Variants in NAALADL2 observed in about 807,000 individuals in gnomAD.
The protein encoded by NAALADL2 is N-acetylated alpha-linked acidic dipeptidase like 2, also known as inactive N-acetylated-alpha-linked acidic dipeptidase-like protein 2.
A neutral mutation model predicts 87.2 loss-of-function variants in NAALADL2; 76 were observed. The ratio of observed to expected loss-of-function variants is 0.87; its 90% CI spans 0.72 to 1.05. The LOEUF (loss-of-function observed/expected upper bound fraction) is 1.05. Ranked by LOEUF, NAALADL2 falls within the 50% of genes least tolerant of loss-of-function variation. NAALADL2 has a pLI of 0.00. For missense variants in NAALADL2, 1,089 were observed against 945.8 expected, an observed-to-expected ratio of 1.15 and a Z score of -1.99; for synonymous variants, 354 against 331.0, an observed-to-expected ratio of 1.07 and a Z score of -0.75.
intron 11 of NAALADL2, among the ~76,000 whole-genome samples, chr3:175,643,263 C>T (rs1729537680): frequency 6.6e-6 from 1 of 151,982 alleles, no homozygotes; most frequent in Admixed American, 6.6e-5. Flanking sequence ...ATTTGTTTAC[C>T]TATTGTTCTA....
intron 13 of NAALADL2, among the ~76,000 whole-genome samples, chr3:175,760,588 G>A (rs562168170): frequency 6.6e-6 from 1 of 152,300 alleles, no homozygotes; most frequent in Admixed American, 6.5e-5. Context: ...ATCCAGCAGT[G>A]TGAAATTTGA....
intron 2 of NAALADL2, among the ~76,000 whole-genome samples, chr3:174,599,575 C>T (rs1179769158): frequency 1.3e-5 from 2 of 152,088 alleles, no homozygotes; most frequent in African/African-American, 4.8e-5. Context: ...CCTTCAATGT[C>T]TTAAGCAAAG....
At chr3:175,151,562 G>A (rs1731542249) in intron 2 of NAALADL2, among the ~76,000 whole-genome samples, 1 of 152,050 alleles carries the variant, frequency 6.6e-6, no homozygotes, top group Admixed American at 6.6e-5. Flanking sequence ...TGTGAATGTA[G>A]GTCAGACTCT....
chr3:175,626,931 A>G (rs111436035), intron 10 of NAALADL2, among the ~76,000 whole-genome samples: 6 of 151,994 alleles, frequency 3.9e-5, no homozygotes, highest in African/African-American at 1.4e-4. Flanking sequence ...ACTTCAGACC[A>G]ATATAGTCAC....
rs115490774 is a variant in NAALADL2, at chr3:175,614,872, G to A, written c.1801-12419G>A. ...GACAAAGGCCTAAAAGATTTAATAA[G>A]TACTTCTTAGATATTAATTAATTCT... is the stretch of plus-strand genomic sequence containing the variant. On this transcript the variant is annotated intron_variant, in intron 10 of 13. Transcript: ENST00000454872. Among the ~76,000 whole-genome samples the A allele has an allele frequency of 7.5e-3, 1,136 of 152,166 alleles. 18 individuals are homozygous for A. The highest frequency in any genetic ancestry group is 0.026 in the African/African-American group (1,084 of 41,538).
intron 2 of NAALADL2, among the ~76,000 whole-genome samples, chr3:175,145,268 G>C (rs561758917): frequency 1.3e-5 from 2 of 151,994 alleles, no homozygotes; most frequent in African/African-American, 4.8e-5. Context: ...CCATTGGCTT[G>C]GTATCACTTC....
chr3:174,982,557 A>G (rs1449389167), intron 1 of NAALADL2, among the ~76,000 whole-genome samples: 2 of 152,224 alleles, frequency 1.3e-5, no homozygotes, highest in African/African-American at 2.4e-5. Flanking sequence ...TTTAACATTA[A>G]TATCTGTATC....
At chr3:174,993,915 T>C (rs9829263) in intron 1 of NAALADL2, among the ~76,000 whole-genome samples, 54,135 of 152,010 alleles carry the variant, frequency 0.36, 14,340 homozygotes, top group African/African-American at 0.74. Context: ...CCTTGGATCA[T>C]GTCAGTCTCT....
At chr3:175,080,165 C>A (rs1717506777) in intron 1 of NAALADL2, among the ~76,000 whole-genome samples, 1 of 152,088 alleles carries the variant, frequency 6.6e-6, no homozygotes, top group Non-Finnish European at 1.5e-5. Flanking sequence ...CGGGTTTTCA[C>A]CGTGTTAGCC....
In NAALADL2 at chr3:175,556,433, C is replaced by T. The variant is rs539217930; in HGVS notation, c.1654-19608C>T. On this transcript the variant is annotated intron_variant, in intron 9 of 13. Transcript: ENST00000454872. ...TGTAAGATTCTTTAGGTTGGAATCC[C>T]GTCTAAAGTGCAAAGCACTTAAAGA... 3.3e-5 allele frequency among the ~76,000 whole-genome samples: 5 copies of T among 151,992 alleles called. No individual in the cohort carries two copies. In the East Asian group the frequency reaches 9.7e-4, roughly 29 times the overall value.
chr3:175,304,690 C>A (rs193232658), intron 4 of NAALADL2, among the ~76,000 whole-genome samples: 2 of 152,154 alleles, frequency 1.3e-5, no homozygotes, highest in Admixed American at 6.5e-5. Flanking sequence ...GGGACATGGT[C>A]AAACTACTCT....
chr3:175,520,667 G>A (rs1732527005), intron 9 of NAALADL2, among the ~76,000 whole-genome samples: 1 of 152,194 alleles, frequency 6.6e-6, no homozygotes, highest in Admixed American at 6.5e-5. Context: ...ATCTGAAATT[G>A]CAGGATGTGA....
intron 1 of NAALADL2, among the ~76,000 whole-genome samples, chr3:175,066,291 G>A (rs1018648747): frequency 6.6e-6 from 1 of 152,096 alleles, no homozygotes; most frequent in African/African-American, 2.4e-5. Flanking sequence ...CTTCTCTGAG[G>A]AGCCTTTCCT....
At chr3:175,517,032 A>C (rs890594135) in intron 9 of NAALADL2, among the ~76,000 whole-genome samples, 2 of 152,184 alleles carry the variant, frequency 1.3e-5, no homozygotes, top group African/African-American at 4.8e-5. Flanking sequence ...CTCTTCTTTC[A>C]GTACAATAAA....
chr3:174,985,188 A>C (rs1295374885), intron 1 of NAALADL2, among the ~76,000 whole-genome samples: 2 of 152,208 alleles, frequency 1.3e-5, no homozygotes, highest in African/African-American at 4.8e-5. Context: ...AAAATGCTAA[A>C]TAATATTATG....
chr3:174,917,977 T>C (rs1346023547), intron 1 of NAALADL2, among the ~76,000 whole-genome samples: 1 of 152,152 alleles, frequency 6.6e-6, no homozygotes, highest in South Asian at 2.1e-4. Context: ...TGTATTATAG[T>C]ATACGATTCA....
intron 10 of NAALADL2, among the ~76,000 whole-genome samples, chr3:175,618,941 A>G (rs1355150521): frequency 6.6e-6 from 1 of 152,170 alleles, no homozygotes; most frequent in Non-Finnish European, 1.5e-5. Flanking sequence ...AGGGATAGTC[A>G]TGCTCACCTG....
intron 1 of NAALADL2, among the ~76,000 whole-genome samples, chr3:174,450,510 G>T (rs559961698): frequency 2.0e-5 from 3 of 152,136 alleles, no homozygotes; most frequent in Non-Finnish European, 4.4e-5. Context: ...TCTTTGGAAG[G>T]CTTGATGGTT....
intron 3 of NAALADL2, among the ~76,000 whole-genome samples, chr3:174,745,556 G>T (rs1258408567): frequency 6.6e-6 from 1 of 152,108 alleles, no homozygotes; most frequent in Non-Finnish European, 1.5e-5. Flanking sequence ...CCAAACAATT[G>T]AATATTGGGG....
Sources: allele counts gnomAD v4.1 joint callset (sites outside exome capture counted in the v4.1 genomes callset), GRCh38; gene constraint gnomAD v4.1.1; transcripts MANE v1.5; gene names NCBI Gene and HGNC (gene_info 2026-07-23, HGNC 2026-07-21).